Variants in PDE8B observed in about 807,000 individuals in gnomAD.
PDE8B encodes high affinity cAMP-specific and IBMX-insensitive 3',5'-cyclic phosphodiesterase 8B.
In PDE8B, 26 loss-of-function variants were observed where a neutral mutation model predicts 101.3. That is an observed-to-expected ratio of 0.26 (90% CI 0.19 to 0.36). The LOEUF is 0.36. Among genes scored for constraint, PDE8B ranks in the 10% least tolerant of loss-of-function variants. PDE8B has a pLI of 1.00. For missense variants in PDE8B, 810 were observed against 1,163.1 expected, an observed-to-expected ratio of 0.70 and a Z score of 4.42; for synonymous variants, 424 against 429.3, an observed-to-expected ratio of 0.99 and a Z score of 0.15.
intron 11 of PDE8B, among the ~76,000 whole-genome samples, chr5:77,402,185 G>A (rs889816931): frequency 4.0e-5 from 6 of 151,886 alleles, no homozygotes; most frequent in East Asian, 3.9e-4. Flanking sequence ...TATTAGTTTC[G>A]TTTCTCAGGG....
chr5:77,398,101 T>C (rs543945227), intron 10 of PDE8B, among the ~76,000 whole-genome samples: 1 of 151,974 alleles, frequency 6.6e-6, no homozygotes, highest in South Asian at 2.1e-4. Flanking sequence ...AATTCCTTTT[T>C]TTAGATCCCT....
intron 1 of PDE8B, among the ~76,000 whole-genome samples, chr5:77,226,729 G>A (rs73135258): frequency 0.011 from 1,604 of 152,272 alleles, 23 homozygotes; most frequent in African/African-American, 0.037. Context: ...AGTTTTAGCT[G>A]AAGCTCAAGC....
At chr5:77,131,901 A>C in the PDE8B span, among the ~76,000 whole-genome samples, 3 of 152,174 alleles carry the variant, frequency 2.0e-5, no homozygotes, top group African/African-American at 7.2e-5. Flanking sequence ...CATTAACAGC[A>C]AGGTAAATTT....
chr5:77,393,863 C>T (rs960997576), intron 10 of PDE8B, among the ~76,000 whole-genome samples: 2 of 150,486 alleles, frequency 1.3e-5, no homozygotes, highest in African/African-American at 5.0e-5. Context: ...AGGCCGGGAA[C>T]CTTGTAAGGA....
intron 1 of PDE8B, among the ~76,000 whole-genome samples, chr5:77,297,365 G>A (rs1004799841): frequency 2.0e-5 from 3 of 152,036 alleles, no homozygotes; most frequent in African/African-American, 7.2e-5. Flanking sequence ...ATCATCTTTT[G>A]TCAACACCAG....
chr5:77,123,670 A>G, the PDE8B span, among the ~76,000 whole-genome samples: 2 of 152,034 alleles, frequency 1.3e-5, no homozygotes, highest in Non-Finnish European at 2.9e-5. Flanking sequence ...GAGGGGGAGG[A>G]TCCCCTGAGC....
intron 6 of PDE8B, among the ~76,000 whole-genome samples, chr5:77,342,781 C>T (rs1226422794): frequency 1.3e-5 from 2 of 152,138 alleles, no homozygotes; most frequent in African/African-American, 2.4e-5. Flanking sequence ...CAAGAAAAGT[C>T]CCCACTGGAG....
the PDE8B span, among the ~76,000 whole-genome samples, chr5:77,108,137 C>T: frequency 6.6e-6 from 1 of 152,148 alleles, no homozygotes; most frequent in East Asian, 1.9e-4. Flanking sequence ...ACCTCACTTG[C>T]TTCAATTCTA....
intron 17 of PDE8B, among the ~76,000 whole-genome samples, chr5:77,415,962 G>C (rs1795445853): frequency 6.6e-6 from 1 of 152,234 alleles, no homozygotes; most frequent in Non-Finnish European, 1.5e-5. Flanking sequence ...AAACTATGCA[G>C]AGGTAACTGC....
the PDE8B span, among the ~76,000 whole-genome samples, chr5:77,132,668 C>T: frequency 6.6e-6 from 1 of 152,210 alleles, no homozygotes; most frequent in Non-Finnish European, 1.5e-5. Context: ...GTCTTCTGTG[C>T]AACAATATGG....
At chr5:77,255,620 C>T (rs889933887) in intron 1 of PDE8B, among the ~76,000 whole-genome samples, 1 of 152,224 alleles carries the variant, frequency 6.6e-6, no homozygotes, top group African/African-American at 2.4e-5. Context: ...CACCTGCCTC[C>T]GTGTCTGCCT....
intron 1 of PDE8B, among the ~76,000 whole-genome samples, chr5:77,268,037 T>TA (rs961991597): frequency 1.2e-3 from 175 of 142,904 alleles, no homozygotes; most frequent in South Asian, 4.3e-3. Flanking sequence ...TTTAACAGGT[T>TA]AAAAAAAAAA....
At chr5:77,108,373 G>T in the PDE8B span, among the ~76,000 whole-genome samples, 1 of 152,038 alleles carries the variant, frequency 6.6e-6, no homozygotes, top group African/African-American at 2.4e-5. Flanking sequence ...TAGGTCTAAG[G>T]TTTTTTCCCT....
At chr5:77,412,041 AC>A (rs1377753907) in intron 15 of PDE8B, 58 bp from the exon 16 acceptor site, 1 of 1,569,362 alleles carries the variant, frequency 6.4e-7, no homozygotes, top group African/African-American at 1.3e-5. Flanking sequence ...GATGACAGAC[AC>A]CCGGGCACTC....
At chr5:77,147,220 T>C in the PDE8B span, 1 of 300,886 alleles carries the variant, frequency 3.3e-6, no homozygotes, top group Non-Finnish European at 6.8e-6. Flanking sequence ...AACCCCCTGT[T>C]TACAACTCCT....
At chr5:77,286,168 C>T (rs1391030731) in intron 1 of PDE8B, among the ~76,000 whole-genome samples, 2 of 152,006 alleles carry the variant, frequency 1.3e-5, no homozygotes, top group South Asian at 2.1e-4. Context: ...TTTTAGCAGG[C>T]GATTAGCTTG....
intron 1 of PDE8B, among the ~76,000 whole-genome samples, chr5:77,270,391 A>G (rs1185549262): frequency 6.6e-6 from 1 of 152,206 alleles, no homozygotes; most frequent in Admixed American, 6.5e-5. Flanking sequence ...ATAAGACCAT[A>G]TCATCTGCAA....
At chr5:77,129,775 T>C in the PDE8B span, among the ~76,000 whole-genome samples, 3 of 152,200 alleles carry the variant, frequency 2.0e-5, no homozygotes, top group South Asian at 4.1e-4. Context: ...TTACTGTCTG[T>C]AGTGTTTCGC....
chr5:77,419,635 G>A (rs1201853910), intron 18 of PDE8B, 132 bp from the exon 19 acceptor site: 2 of 1,033,834 alleles, frequency 1.9e-6, no homozygotes, highest in Non-Finnish European at 3.0e-6. Flanking sequence ...CTCTTCTTGT[G>A]ATCTGCACAC....
Sources: gnomAD v4.1 joint callset for allele counts (sites outside exome capture counted in the v4.1 genomes callset) on GRCh38, gnomAD v4.1.1 for gene constraint, MANE v1.5 for transcripts, NCBI Gene and HGNC (gene_info 2026-07-23, HGNC 2026-07-21) for gene names.